Variants in TDRP observed in about 807,000 individuals in gnomAD.
TDRP encodes testis development-related protein.
A neutral mutation model predicts 10.5 loss-of-function variants in TDRP; 12 were observed. The observed-to-expected ratio is 1.15, with a 90% CI of 0.73 to 1.86. TDRP has a LOEUF of 1.86. Among genes scored for constraint, TDRP ranks in the 40% most tolerant of loss-of-function variants. The pLI is 0.00. For synonymous variants in TDRP, 139 were observed against 95.4 expected, an observed-to-expected ratio of 1.46 and a Z score of -2.67; for missense variants, 353 against 229.2, an observed-to-expected ratio of 1.54 and a Z score of -3.49.
At chr8:514,743 T>C (rs1319439364) in intron 1 of TDRP, among the ~76,000 whole-genome samples, 1 of 152,118 alleles carries the variant, frequency 6.6e-6, no homozygotes, top group Non-Finnish European at 1.5e-5. Context: ...TGTCTATTTT[T>C]GCATTCCAGC....
Position 492,676 on chromosome 8 carries a change from A to G in TDRP, c.281T>C (p.Leu94Ser), listed in dbSNP as rs757424779. Residue 94 changes from leucine to serine, a missense_variant, in exon 3 of 3, where the codon TTA becomes TCA. Physicochemically the swap from Leu to Ser is moderately radical, Grantham distance 145. Coordinates refer to ENST00000324079, the MANE Select transcript of TDRP (RefSeq NM_001384899.1). ...TTTTTTAGACTGTATATTCTGTTTTAAAACCAAATTGTCCCAAAATCCAGA... is the reference window on the plus strand; with the variant it reads ...TTTTTTAGACTGTATATTCTGTTTTGAAACCAAATTGTCCCAAAATCCAGA... ...KKSGFWDNLV[L>S]KQNIQSKKPD... is the part of the protein sequence containing the mutation. 2 of 1,613,998 alleles carry G rather than the reference A, an allele frequency of 1.2e-6. No individual in the cohort carries two copies. Among genetic ancestry groups the G allele is most frequent in the East Asian group, 4.5e-5 (2 of 44,886 alleles).
chr8:523,862 C>A (rs1478102913), intron 1 of TDRP, among the ~76,000 whole-genome samples: 2 of 152,106 alleles, frequency 1.3e-5, no homozygotes, highest in Admixed American at 6.5e-5. Flanking sequence ...CATCCAGGGA[C>A]CAGGGGGAAC....
chr8:536,097 T>C (rs1802342884), intron 1 of TDRP, among the ~76,000 whole-genome samples: 1 of 152,218 alleles, frequency 6.6e-6, no homozygotes, highest in African/African-American at 2.4e-5. Context: ...TTTCAACCTA[T>C]TATTAACATT....
At chr8:506,603 G>T (rs1049793081) in intron 1 of TDRP, among the ~76,000 whole-genome samples, 1 of 152,206 alleles carries the variant, frequency 6.6e-6, no homozygotes, top group East Asian at 1.9e-4. Context: ...GAGAGGTGAC[G>T]GTTCCACCCC....
intron 1 of TDRP, among the ~76,000 whole-genome samples, chr8:497,990 A>G (rs540650878): frequency 1.1e-3 from 160 of 152,278 alleles, no homozygotes; most frequent in African/African-American, 3.7e-3. Flanking sequence ...CTCTGCCTCG[A>G]TTTCAGAGGA....
intron 1 of TDRP, among the ~76,000 whole-genome samples, chr8:544,287 G>A (rs1040518705): frequency 6.6e-5 from 10 of 152,040 alleles, no homozygotes; most frequent in African/African-American, 2.4e-4. Context: ...CACGACGCCC[G>A]CGCCGCGGGG....
intron 1 of TDRP, among the ~76,000 whole-genome samples, chr8:513,032 A>T (rs567997224): frequency 6.6e-6 from 1 of 152,212 alleles, no homozygotes; most frequent in Middle Eastern, 3.4e-3. Flanking sequence ...CCCAAAAAGA[A>T]AAGCTCAGGC....
chr8:545,416 C>G (rs535613290), upstream of TDRP, among the ~76,000 whole-genome samples: 1 of 148,806 alleles, frequency 6.7e-6, no homozygotes, highest in East Asian at 2.1e-4. Context: ...CCTTCTCCCC[C>G]GCCGACCCCC....
intron 1 of TDRP, among the ~76,000 whole-genome samples, chr8:525,924 T>C (rs191991024): frequency 1.5e-4 from 23 of 152,318 alleles, no homozygotes; most frequent in Admixed American, 1.4e-3. Context: ...AGTGAAGCCA[T>C]TGGGTCCTGG....
chr8:510,423 G>C (rs563431840), intron 1 of TDRP, among the ~76,000 whole-genome samples: 1 of 152,212 alleles, frequency 6.6e-6, no homozygotes, highest in African/African-American at 2.4e-5. Flanking sequence ...ACAGACAAAA[G>C]ATCAGATGTA....
chr8:543,984 G>A (rs1198337600), intron 1 of TDRP, among the ~76,000 whole-genome samples: 1 of 151,960 alleles, frequency 6.6e-6, no homozygotes, highest in Non-Finnish European at 1.5e-5. Flanking sequence ...CCACCTGGGA[G>A]CCCTTTCAAT....
chr8:527,109 C>T (rs544567312), intron 1 of TDRP, among the ~76,000 whole-genome samples: 1 of 151,760 alleles, frequency 6.6e-6, no homozygotes, highest in African/African-American at 2.4e-5. Context: ...ATCAACAGAC[C>T]AAAAACACTT....
chr8:521,346 G>A (rs146325849), intron 1 of TDRP, among the ~76,000 whole-genome samples: 3,713 of 151,930 alleles, frequency 0.024, 147 homozygotes, highest in African/African-American at 0.085. Flanking sequence ...GAACCCGGGA[G>A]GCGGGGCTTA....
intron 1 of TDRP, among the ~76,000 whole-genome samples, chr8:507,662 G>T (rs753477810): frequency 3.3e-5 from 5 of 152,182 alleles, no homozygotes; most frequent in Non-Finnish European, 7.3e-5. Context: ...TGGGGGCAGG[G>T]TGGAGAATTG....
At chr8:512,162 A>C (rs1801636661) in intron 1 of TDRP, among the ~76,000 whole-genome samples, 1 of 152,134 alleles carries the variant, frequency 6.6e-6, no homozygotes, top group African/African-American at 2.4e-5. Flanking sequence ...GCAGTGGCTC[A>C]CACCTGTAAT....
intron 1 of TDRP, among the ~76,000 whole-genome samples, chr8:519,709 GA>G (rs1801848822): frequency 6.6e-6 from 1 of 152,114 alleles, no homozygotes; most frequent in African/African-American, 2.4e-5. Context: ...AAAAGAGAGT[GA>G]AAAAATCTAC....
chr8:498,571 GT>G (rs1345932506), intron 1 of TDRP, among the ~76,000 whole-genome samples: 1 of 152,116 alleles, frequency 6.6e-6, no homozygotes, highest in Non-Finnish European at 1.5e-5. Flanking sequence ...TACTTACCTT[GT>G]CTCAGATGAG....
At chr8:542,037 G>T (rs1401989138) in intron 1 of TDRP, among the ~76,000 whole-genome samples, 2 of 152,086 alleles carry the variant, frequency 1.3e-5, no homozygotes, top group African/African-American at 4.8e-5. Flanking sequence ...GAGGGTGAAG[G>T]GATAAACTGT....
upstream of TDRP, chr8:544,972 C>G (rs1802602029): frequency 3.0e-6 from 1 of 333,552 alleles, no homozygotes; most frequent in Admixed American, 5.1e-5. Context: ...GCCCCCAAAC[C>G]ATCCCCAGAA....
Sources: allele counts gnomAD v4.1 joint callset (sites outside exome capture counted in the v4.1 genomes callset), GRCh38; gene constraint gnomAD v4.1.1; transcripts MANE v1.5; gene names NCBI Gene and HGNC (gene_info 2026-07-23, HGNC 2026-07-21).